The following CECR2 variants were observed in gnomAD, a reference collection of about 807,000 sequenced individuals.
CECR2 encodes the protein CECR2 histone acetyl-lysine reader.
A neutral mutation model predicts 154.5 loss-of-function variants in CECR2; 30 were observed. The observed-to-expected ratio is 0.19, with a 90% confidence interval of 0.15 to 0.26. The LOEUF is 0.26. CECR2 is among the 10% of genes least tolerant of loss of function. The pLI is 1.00. For synonymous variants in CECR2, 725 were observed against 683.7 expected (o/e 1.06, Z -0.94); for missense variants, 1,743 against 1,829.3 (o/e 0.95, Z 0.86).
chr22:17,440,082 A>C (rs548983718), intron 1 of CECR2, among the ~76,000 whole-genome samples: 4 of 150,796 alleles, frequency 2.7e-5, no homozygotes, highest in South Asian at 2.1e-4. Flanking sequence ...AAAAAAAAAC[A>C]AAAAAAGTAT....
intron 6 of CECR2, among the ~76,000 whole-genome samples, 199 bp downstream of exon 6, chr22:17,503,330 G>A (rs722750): frequency 0.13 from 20,081 of 152,150 alleles, 1,526 homozygotes; most frequent in Non-Finnish European, 0.17. Context: ...ATTAAGATCA[G>A]AACTAGATCT....
chr22:17,506,622 CTT>C (rs958887679), intron 7 of CECR2, among the ~76,000 whole-genome samples: 3 of 152,114 alleles, frequency 2.0e-5, no homozygotes, highest in Non-Finnish European at 4.4e-5. Context: ...AGCCACGACA[CTT>C]AATGTCATTT....
chr22:17,500,613 TTTAATA>T lies in CECR2; in HGVS notation c.546-14_546-9del. 3 of 1,484,112 alleles carry T rather than the reference TTTAATA, an allele frequency of 2.0e-6. No homozygotes were observed. Among genetic ancestry groups the T allele is most frequent in the Non-Finnish European group, 2.7e-6 (3 of 1,096,086 alleles). 91.9% of individuals were successfully genotyped at this position (1,484,112 alleles called of 1,614,324 possible). ...CCAATCCTGTGCCAGAACATTTCTA[TTTAATA>T]TTATTTATTAGGGAAAGTGAAGGAC... is the stretch of plus-strand genomic sequence containing the variant. On this transcript the variant is annotated splice_polypyrimidine_tract_variant and intron_variant, in intron 4 of 18. Coordinates refer to ENST00000262608, the MANE Select transcript of CECR2 (RefSeq NM_001290047.2).
chr22:17,481,332 G>C (rs1322141191), intron 2 of CECR2, among the ~76,000 whole-genome samples: 1 of 102,994 alleles, frequency 9.7e-6, no homozygotes, highest in Non-Finnish European at 1.8e-5. Flanking sequence ...GACAGAGCGA[G>C]ACTCTGTCTC....
rs776164961 is a variant in CECR2, at chr22:17,542,643, G to A, written c.2500G>A (p.Val834Ile). 1 of 1,614,046 alleles carries A rather than the reference G, an allele frequency of 6.2e-7. No homozygotes were observed. Among genetic ancestry groups the A allele is most frequent in the Non-Finnish European group, 8.5e-7 (1 of 1,179,904 alleles). Reference protein sequence around the residue: ...TEQSGFLPHGVPSSGYMRPPC... With the variant: ...TEQSGFLPHGIPSSGYMRPPC... ...ACAATCAGGCTTCCTACCTCATGGA[G>A]TTCCTTCCTCAGGGTACATGCGACC... Residue 834 changes from valine to isoleucine, a missense_variant, in exon 16 of 19, where the codon GTT (valine) becomes ATT (isoleucine). This residue lies in a region of CECR2 where 1,250 missense variants were observed against 1,192.1 expected (regional missense o/e 1.05). Coordinates refer to ENST00000262608, the MANE Select transcript of CECR2 (RefSeq NM_001290047.2).
intron 9 of CECR2, among the ~76,000 whole-genome samples, chr22:17,536,659 G>A (rs1303790752): frequency 6.6e-6 from 1 of 152,196 alleles, no homozygotes; most frequent in African/African-American, 2.4e-5. Flanking sequence ...TCCTGTGTGT[G>A]TATGGACTGA....
At chr22:17,543,346 G>A (rs1757752024) in intron 16 of CECR2, among the ~76,000 whole-genome samples, 1 of 151,894 alleles carries the variant, frequency 6.6e-6, no homozygotes, top group African/African-American at 2.4e-5. Flanking sequence ...GTGTTAGCCA[G>A]GATGGTCTCA....
At chr22:17,479,107 C>T (rs2055261245) in intron 2 of CECR2, among the ~76,000 whole-genome samples, 1 of 152,166 alleles carries the variant, frequency 6.6e-6, no homozygotes, top group East Asian at 1.9e-4. Context: ...TAGCTTTTAG[C>T]TGTTATAAAC....
intron 1 of CECR2, among the ~76,000 whole-genome samples, chr22:17,421,578 G>GCACT (rs1004275917): frequency 8.7e-6 from 1 of 115,484 alleles, no homozygotes; most frequent in African/African-American, 3.4e-5. Flanking sequence ...TCCCGCCACT[G>GCACT]CACTCCAGCC....
intron 1 of CECR2, among the ~76,000 whole-genome samples, chr22:17,376,645 T>TA (rs1491183622): frequency 9.0e-6 from 1 of 111,598 alleles, no homozygotes; most frequent in African/African-American, 4.8e-5. Flanking sequence ...TTTTTTTTTG[T>TA]TTTTTTTTTT....
intron 1 of CECR2, among the ~76,000 whole-genome samples, chr22:17,405,672 A>C (rs2053973633): frequency 1.4e-5 from 2 of 144,124 alleles, no homozygotes; most frequent in African/African-American, 2.5e-5. Flanking sequence ...AAAAATTTTC[A>C]ATTGTTTGCT....
At chr22:17,399,688 G>T (rs1457267338) in intron 1 of CECR2, among the ~76,000 whole-genome samples, 1 of 152,096 alleles carries the variant, frequency 6.6e-6, no homozygotes, top group Non-Finnish European at 1.5e-5. Flanking sequence ...GATTACAGGC[G>T]TGAGCCACCG....
intron 1 of CECR2, among the ~76,000 whole-genome samples, chr22:17,449,148 G>C (rs147953263): frequency 0.015 from 2,271 of 152,144 alleles, 57 homozygotes; most frequent in African/African-American, 0.052. Context: ...CAAAGTGCTG[G>C]AATTACAGGT....
At chr22:17,496,681 A>ATGCGT (rs904856776) in intron 2 of CECR2, among the ~76,000 whole-genome samples, 1 of 152,126 alleles carries the variant, frequency 6.6e-6, no homozygotes, top group Non-Finnish European at 1.5e-5. Context: ...TAGGCCAACT[A>ATGCGT]TGCGTTTCTT....
intron 1 of CECR2, among the ~76,000 whole-genome samples, chr22:17,455,273 A>G (rs1358584518): frequency 6.6e-6 from 1 of 152,254 alleles, no homozygotes; most frequent in East Asian, 1.9e-4. Flanking sequence ...TATTACGGCT[A>G]GCAGATATTT....
At chr22:17,455,677 A>G (rs1601388180) in intron 1 of CECR2, among the ~76,000 whole-genome samples, 1 of 152,324 alleles carries the variant, frequency 6.6e-6, no homozygotes, top group East Asian at 1.9e-4. Flanking sequence ...GCAGTGGCGC[A>G]ATCTCGGCTC....
At chr22:17,529,589 A>G (rs929597785) in intron 9 of CECR2, among the ~76,000 whole-genome samples, 1 of 151,814 alleles carries the variant, frequency 6.6e-6, no homozygotes, top group Non-Finnish European at 1.5e-5. Context: ...AGTCCCAGCT[A>G]CTCGGGAGGC....
At chr22:17,471,043 T>C (rs896184051) in intron 1 of CECR2, among the ~76,000 whole-genome samples, 1 of 152,162 alleles carries the variant, frequency 6.6e-6, no homozygotes, top group African/African-American at 2.4e-5. Flanking sequence ...TAATGACATC[T>C]CCCATTTTAT....
Position 17,549,371 on chromosome 22 carries a change from G to A in CECR2, c.4084G>A (p.Ala1362Thr). Reference sequence around the variant, plus strand: ...GCCGGCCAGTCACTTTCAGCCCAGGGCTTACTCTTCCCCTGTGGCTGCCCT... The same window carrying A: ...GCCGGCCAGTCACTTTCAGCCCAGGACTTACTCTTCCCCTGTGGCTGCCCT... ...QRPASHFQPR[A>T]YSSPVAALPP... Residue 1362 changes from alanine to threonine, a missense_variant, in exon 17 of 19, where the codon GCT (alanine) becomes ACT (threonine). Physicochemically the swap from Ala to Thr is moderately conservative, Grantham distance 58. Around this residue, in one of 4 missense-constraint regions of CECR2, gnomAD observed 1,250 missense variants for 1,192.1 expected, o/e 1.05. Coordinates refer to ENST00000262608, the MANE Select transcript of CECR2 (RefSeq NM_001290047.2). The A allele has an allele frequency of 6.2e-7, 1 of 1,613,864 alleles. No individual in the cohort carries two copies. Among genetic ancestry groups the A allele is most frequent in the Non-Finnish European group, 8.5e-7 (1 of 1,179,880 alleles).
Sources: gnomAD v4.1 joint callset for allele counts (sites outside exome capture counted in the v4.1 genomes callset) on GRCh38, gnomAD v4.1.1 for gene constraint, gnomAD v4.1.1 regional missense constraint, MANE v1.5 for transcripts, NCBI Gene and HGNC (gene_info 2026-07-23, HGNC 2026-07-21) for gene names.